TRAF3: variants seen among roughly 807,000 people sequenced by gnomAD.
TRAF3 encodes the protein TNF receptor-associated factor 3.
A neutral mutation model predicts 62.3 loss-of-function variants in TRAF3; 13 were observed. That is an observed-to-expected ratio of 0.21 (90% CI 0.14 to 0.33). TRAF3 has a LOEUF of 0.33. TRAF3 is among the 10% of genes least tolerant of loss of function. The probability of loss-of-function intolerance (pLI) is 1.00; values close to 1 mark genes in which losing one functional copy is unlikely to be tolerated. For synonymous variants in TRAF3, 269 were observed against 283.4 expected, an observed-to-expected ratio of 0.95 and a Z score of 0.51; for missense variants, 440 against 741.8, an observed-to-expected ratio of 0.59 and a Z score of 4.73.
chr14:102,780,456 A>T (rs74084195), intron 1 of TRAF3, among the ~76,000 whole-genome samples: 34 of 152,184 alleles, frequency 2.2e-4, no homozygotes, highest in African/African-American at 7.9e-4. Context: ...ATTCCAGGAA[A>T]GGGGGTGGGG....
intron 1 of TRAF3, among the ~76,000 whole-genome samples, chr14:102,822,025 G>A (rs1900016550): frequency 6.6e-6 from 1 of 152,206 alleles, no homozygotes; most frequent in South Asian, 2.1e-4. Context: ...CTGGATGACA[G>A]AGTGAGACTC....
chr14:102,903,316 G>A lies in TRAF3; in HGVS notation c.1022G>A (p.Arg341Gln), dbSNP rs760539192. 19 of 1,614,072 alleles carry A rather than the reference G, an allele frequency of 1.2e-5. No individual in the cohort carries two copies. The highest frequency in any genetic ancestry group is 4.0e-5 in the African/African-American group (3 of 74,926). Residue 341 changes from arginine (R) to glutamine (Q), a missense_variant, in exon 11 of 12, where the codon CGG becomes CAG. Around this residue, in one of 6 missense-constraint regions of TRAF3, gnomAD observed 255 missense variants for 424.1 expected, o/e 0.60. Coordinates refer to ENST00000392745, the MANE Select transcript of TRAF3 (RefSeq NM_145725.3). The surrounding 1 kb of genome is among the most constrained non-coding windows in gnomAD (Gnocchi z 6.4). ...KELDKEIRPF[R>Q]QNWEEADSMK... ...CTTGACAAGGAGATCCGGCCCTTCC[G>A]GCAGAACTGGGAGGAAGCAGACAGC...
In TRAF3 at chr14:102,847,033, G is replaced by A. The variant is rs56049645; in HGVS notation, c.-18+16561G>A. Among the ~76,000 whole-genome samples, 1,242 of 152,124 alleles carry A rather than the reference G, an allele frequency of 8.2e-3. 21 individuals are homozygous for A. The highest frequency in any genetic ancestry group is 0.028 in the African/African-American group (1,173 of 41,482). On this transcript the variant is annotated intron_variant, in intron 2 of 11. Coordinates refer to ENST00000392745, the MANE Select transcript of TRAF3 (RefSeq NM_145725.3). Reference sequence around the variant, plus strand: ...AAGTAAGTAATACCTCATAGTAAAAGCAGTTTTAAAATAATCAGATTTTAT... The same window carrying A: ...AAGTAAGTAATACCTCATAGTAAAAACAGTTTTAAAATAATCAGATTTTAT...
chr14:102,870,756 AC>A (rs1888295811), intron 3 of TRAF3, among the ~76,000 whole-genome samples: 1 of 152,120 alleles, frequency 6.6e-6, no homozygotes, highest in Non-Finnish European at 1.5e-5. Flanking sequence ...TGGAGGAGAT[AC>A]ACCAGGAAAT....
chr14:102,803,485 A>T (rs1898574142), intron 1 of TRAF3, among the ~76,000 whole-genome samples: 1 of 152,132 alleles, frequency 6.6e-6, no homozygotes, highest in South Asian at 2.1e-4. Flanking sequence ...GGAGTGTGAG[A>T]TGGAAAGCAT....
chr14:102,821,320 T>C (rs1210047197), intron 1 of TRAF3, among the ~76,000 whole-genome samples: 1 of 152,266 alleles, frequency 6.6e-6, no homozygotes, highest in Non-Finnish European at 1.5e-5. Flanking sequence ...TATTAAAGTT[T>C]TCAGAAAGTT....
At chr14:102,884,717 CAGG>C (rs1475764127) in intron 6 of TRAF3, among the ~76,000 whole-genome samples, 4 of 151,668 alleles carry the variant, frequency 2.6e-5, no homozygotes, top group African/African-American at 9.7e-5. Flanking sequence ...GAGGCTGAGG[CAGG>C]AGAATTGCTT....
chr14:102,800,813 A>G (rs992863148), intron 1 of TRAF3, among the ~76,000 whole-genome samples: 2 of 149,836 alleles, frequency 1.3e-5, no homozygotes, highest in African/African-American at 4.9e-5. Context: ...TTCCCACCTC[A>G]GCCTCTCAAG....
At chr14:102,839,911 C>G (rs544799823) in intron 2 of TRAF3, among the ~76,000 whole-genome samples, 5 of 152,266 alleles carry the variant, frequency 3.3e-5, no homozygotes, top group Admixed American at 2.0e-4. Flanking sequence ...GAAGTAATCT[C>G]TTTTTCAAAG....
intron 2 of TRAF3, among the ~76,000 whole-genome samples, chr14:102,845,405 G>A (rs896017371): frequency 6.6e-6 from 1 of 151,692 alleles, no homozygotes; most frequent in African/African-American, 2.4e-5. Flanking sequence ...GTTTCACCAT[G>A]TTGGTCAGGC....
chr14:102,865,701 G>C (rs2139804995), intron 2 of TRAF3, among the ~76,000 whole-genome samples: 1 of 152,206 alleles, frequency 6.6e-6, no homozygotes, highest in South Asian at 2.1e-4. Context: ...GTTTCACCAT[G>C]TTGGCCAGGG....
chr14:102,799,548 T>G (rs1898274543), intron 1 of TRAF3, among the ~76,000 whole-genome samples: 1 of 152,152 alleles, frequency 6.6e-6, no homozygotes, highest in Admixed American at 6.5e-5. Flanking sequence ...TCTCCCAGAT[T>G]CAGGCAGTTC....
chr14:102,791,020 CTTT>C (rs559815933), intron 1 of TRAF3, among the ~76,000 whole-genome samples: 3 of 129,868 alleles, frequency 2.3e-5, no homozygotes. Flanking sequence ...CTTTTCTTTT[CTTT>C]TTTTTTTTTT....
chr14:102,861,456 A>AT (rs1263538253), intron 2 of TRAF3, among the ~76,000 whole-genome samples: 5 of 152,182 alleles, frequency 3.3e-5, no homozygotes, highest in Non-Finnish European at 7.3e-5. Flanking sequence ...AGGCACCTTT[A>AT]TCCCTCTCTT....
At chr14:102,820,297 G>A (rs1794110379) in intron 1 of TRAF3, among the ~76,000 whole-genome samples, 1 of 151,988 alleles carries the variant, frequency 6.6e-6, no homozygotes, top group South Asian at 2.1e-4. Context: ...GGTCCAAGGA[G>A]GAAAGGGCCG....
rs145816349 is a variant in TRAF3, at chr14:102,841,417, G to A, written c.-18+10945G>A. Among the ~76,000 whole-genome samples the A allele has an allele frequency of 1.1e-3, 164 of 152,336 alleles. 1 individual carries two copies. The highest frequency in any genetic ancestry group is 3.6e-3 in the African/African-American group (148 of 41,572). The stretch of plus-strand genomic sequence containing the variant: ...TTGCACAGGGCTGGGAATAGTTTGT[G>A]TTCCCACCACCCAGGGTGGTCTCAG... On this transcript the variant is annotated intron_variant, in intron 2 of 11. Transcript: ENST00000392745.
chr14:102,863,224 G>A (rs1276993874), intron 2 of TRAF3, among the ~76,000 whole-genome samples: 7 of 152,024 alleles, frequency 4.6e-5, no homozygotes, highest in Admixed American at 3.3e-4. Context: ...AATTTTTACC[G>A]TGGCAACTCT....
chr14:102,859,288 C>A (rs1407735280), intron 2 of TRAF3, among the ~76,000 whole-genome samples: 2 of 151,908 alleles, frequency 1.3e-5, no homozygotes, highest in Non-Finnish European at 2.9e-5. Flanking sequence ...AACTGTTTTT[C>A]CAGTAGTCTC....
rs571690978 is a variant in TRAF3, at chr14:102,903,790, A to C, written c.1135+361A>C. 384 of 483,112 alleles carry C rather than the reference A, an allele frequency of 7.9e-4. 2 individuals carry two copies. The highest frequency in any genetic ancestry group is 6.7e-3 in the African/African-American group (344 of 51,198). 29.9% of individuals were successfully genotyped at this position (483,112 alleles called of 1,614,324 possible). A position where few individuals can be genotyped will look rare whatever the true frequency, so the allele number is the denominator to read the frequency against. On this transcript the variant is annotated intron_variant, in intron 11 of 11. Transcript: ENST00000392745. This position sits in a 1 kb window ranked among gnomAD's most constrained non-coding sequence, Gnocchi z 6.4. ...GGACCTGCTGGTCGGGGCGCCCCAG[A>C]CCCCACTCCTAAGGGCCAGGGGGCA...
Sources: allele counts gnomAD v4.1 joint callset (sites outside exome capture counted in the v4.1 genomes callset), GRCh38; gene constraint gnomAD v4.1.1; regional missense constraint gnomAD v4.1.1; non-coding constraint Gnocchi (gnomAD v3.1); transcripts MANE v1.5; gene names NCBI Gene and HGNC (gene_info 2026-07-23, HGNC 2026-07-21).